LHFPL3: variants seen among roughly 807,000 people sequenced by gnomAD.
LHFPL3 encodes LHFPL tetraspan subfamily member 3 protein.
LHFPL3 carries 5 observed loss-of-function variants against 19.3 expected under a neutral mutation model. That is an observed-to-expected ratio of 0.26 (90% CI 0.14 to 0.54). The LOEUF (loss-of-function observed/expected upper bound fraction) is 0.54. Among genes scored for constraint, LHFPL3 ranks in the 20% least tolerant of loss-of-function variants. The pLI, the probability that LHFPL3 is intolerant of heterozygous loss-of-function variation, is 0.94. For synonymous variants in LHFPL3, 133 were observed against 126.2 expected, an observed-to-expected ratio of 1.05 and a Z score of -0.36; for missense variants, 249 against 307.4, an observed-to-expected ratio of 0.81 and a Z score of 1.42.
chr7:104,382,596 C>T (rs927735909), intron 1 of LHFPL3, among the ~76,000 whole-genome samples: 2 of 152,160 alleles, frequency 1.3e-5, no homozygotes, highest in Non-Finnish European at 2.9e-5. Flanking sequence ...GTGGCCTGAG[C>T]AGGGTTTTGA....
At chr7:104,668,873 G>T in intron 1 of LHFPL3, 2 of 1,612,160 alleles carry the variant, frequency 1.2e-6, no homozygotes. Context: ...AGAAGTAGAA[G>T]AACGGCTACG....
At chr7:104,814,900 C>A (rs1790536153) in intron 2 of LHFPL3, among the ~76,000 whole-genome samples, 1 of 152,208 alleles carries the variant, frequency 6.6e-6, no homozygotes, top group African/African-American at 2.4e-5. Flanking sequence ...GGAGCAGGCA[C>A]TTTCAAGCCT....
At position 104,736,794 on chromosome 7, in the gene LHFPL3, G is replaced by A; in HGVS notation, c.565G>A (p.Ala189Thr). ...YTLGACSVRW[A>T]YILAIIGILD... is the part of the protein sequence containing the mutation. Reference sequence around the variant, plus strand: ...TCTTGGGGCTTGCTCAGTCCGCTGGGCATACATCCTGGCTATTATTGGAAT... The same window carrying A: ...TCTTGGGGCTTGCTCAGTCCGCTGGACATACATCCTGGCTATTATTGGAAT... Residue 189 changes from alanine (A) to threonine (T), a missense_variant, in exon 2 of 3, where the codon GCA (alanine) becomes ACA (threonine). Physicochemically the swap from Ala to Thr is moderately conservative, Grantham distance 58. Coordinates refer to ENST00000424859, the MANE Select transcript of LHFPL3 (RefSeq NM_199000.3). 1 of 1,613,522 alleles carries A rather than the reference G, an allele frequency of 6.2e-7. No individual in the cohort carries two copies. The highest frequency in any genetic ancestry group is 1.1e-5 in the South Asian group (1 of 90,944).
intron 1 of LHFPL3, among the ~76,000 whole-genome samples, chr7:104,389,219 G>T (rs1395242395): frequency 6.6e-6 from 1 of 152,042 alleles, no homozygotes; most frequent in South Asian, 2.1e-4. Context: ...TTGTATTTCT[G>T]TACACTAGTA....
At chr7:104,415,968 A>G (rs1791614005) in intron 1 of LHFPL3, among the ~76,000 whole-genome samples, 1 of 152,222 alleles carries the variant, frequency 6.6e-6, no homozygotes, top group African/African-American at 2.4e-5. Context: ...ACCACCTATT[A>G]TGGGTTGCAT....
intron 1 of LHFPL3, among the ~76,000 whole-genome samples, chr7:104,510,925 G>A (rs1417997879): frequency 6.6e-6 from 1 of 152,030 alleles, no homozygotes; most frequent in East Asian, 1.9e-4. Flanking sequence ...AGGAGGAAGA[G>A]GATCAGGAAA....
intron 1 of LHFPL3, among the ~76,000 whole-genome samples, chr7:104,576,821 T>C (rs2116007222): frequency 6.6e-6 from 1 of 152,256 alleles, no homozygotes; most frequent in Middle Eastern, 3.4e-3. Context: ...AAGGAAAGTA[T>C]TACCGCCCAA....
chr7:104,873,159 A>G (rs541027971), intron 2 of LHFPL3, among the ~76,000 whole-genome samples: 1 of 152,230 alleles, frequency 6.6e-6, no homozygotes, highest in Non-Finnish European at 1.5e-5. Flanking sequence ...GTACTAGACA[A>G]GAGTATTCTA....
chr7:104,561,010 C>G (rs1584402325), intron 1 of LHFPL3, among the ~76,000 whole-genome samples: 2 of 151,316 alleles, frequency 1.3e-5, no homozygotes, highest in African/African-American at 4.9e-5. Flanking sequence ...GATTCTTAAC[C>G]CTGAGTTCTA....
rs1554349396 is a variant in LHFPL3, at chr7:104,833,038, T to TATATTATATATACTAG, written c.683-73145_683-73144insTATATATACTAGATAT. ...TTATATATAATAGATATATTATATATATATATTATATATATATTATATATA... is the reference window on the plus strand; with the variant it reads ...TTATATATAATAGATATATTATATATATATTATATATACTAGATATATTATATATATATTATATATA... On this transcript the variant is annotated intron_variant, in intron 2 of 2. Coordinates refer to ENST00000424859, the MANE Select transcript of LHFPL3 (RefSeq NM_199000.3). Among the ~76,000 whole-genome samples the TATATTATATATACTAG allele has an allele frequency of 9.3e-5, 2 of 21,608 alleles. 1 individual carries two copies. The highest frequency in any genetic ancestry group is 1.4e-4 in the Non-Finnish European group (2 of 14,806). 14.2% of individuals were successfully genotyped at this position (21,608 alleles called of 152,430 possible).
At chr7:104,351,114 TGA>T (rs1790166429) in intron 1 of LHFPL3, among the ~76,000 whole-genome samples, 1 of 147,118 alleles carries the variant, frequency 6.8e-6, no homozygotes, top group African/African-American at 2.5e-5. Context: ...GAGAAGAAAA[TGA>T]GAGAGGAGAA....
chr7:104,484,952 A>C (rs1793210175), intron 1 of LHFPL3, among the ~76,000 whole-genome samples: 1 of 152,212 alleles, frequency 6.6e-6, no homozygotes, highest in South Asian at 2.1e-4. Context: ...ATTGGGGATT[A>C]AGTTTCCAAC....
intron 2 of LHFPL3, among the ~76,000 whole-genome samples, chr7:104,835,583 C>CTTT (rs71155528): frequency 5.6e-5 from 8 of 143,792 alleles, no homozygotes; most frequent in Non-Finnish European, 1.0e-4. Context: ...ACTTTGTTTT[C>CTTT]TTTTTTTTTT....
At chr7:104,869,819 T>A (rs997615887) in intron 2 of LHFPL3, among the ~76,000 whole-genome samples, 3 of 152,224 alleles carry the variant, frequency 2.0e-5, no homozygotes, top group South Asian at 4.1e-4. Flanking sequence ...CTATTCACAA[T>A]AGCAAAGACT....
intron 1 of LHFPL3, among the ~76,000 whole-genome samples, chr7:104,459,402 A>T (rs915985453): frequency 6.6e-6 from 1 of 152,212 alleles, no homozygotes; most frequent in Admixed American, 6.5e-5. Flanking sequence ...ATTGGACTTG[A>T]TTCTGAATCT....
rs116529684 is a variant in LHFPL3, at chr7:104,335,123, G to A, written c.445+5899G>A. 8.6e-3 allele frequency among the ~76,000 whole-genome samples: 1,307 copies of A among 152,274 alleles called. 22 individuals are homozygous for A. Among genetic ancestry groups the A allele is most frequent in the African/African-American group, 0.03 (1,261 of 41,550 alleles). On this transcript the variant is annotated intron_variant, in intron 1 of 2. Transcript: ENST00000424859. ...TGCTCTGAAGAGGGGACAGAACTGG[G>A]ATGTACTCAGGTGTAGACTCAGTGT...
intron 1 of LHFPL3, among the ~76,000 whole-genome samples, chr7:104,536,030 A>T: frequency 6.6e-6 from 1 of 152,050 alleles, no homozygotes; most frequent in Non-Finnish European, 1.5e-5. Context: ...AGGAAGCCGC[A>T]TTTTCTCCCT....
At chr7:104,440,038 G>GGGT (rs1792188279) in intron 1 of LHFPL3, among the ~76,000 whole-genome samples, 2 of 140,294 alleles carry the variant, frequency 1.4e-5, no homozygotes, top group African/African-American at 2.8e-5. Flanking sequence ...CAAAGCCTGG[G>GGGT]GGGGGGGAGG....
At chr7:104,834,762 C>T (rs1247147449) in intron 2 of LHFPL3, among the ~76,000 whole-genome samples, 1 of 151,948 alleles carries the variant, frequency 6.6e-6, no homozygotes, top group Non-Finnish European at 1.5e-5. Flanking sequence ...GAGAGGGCTG[C>T]TTCAGCTTCA....
Sources: allele counts gnomAD v4.1 joint callset (sites outside exome capture counted in the v4.1 genomes callset), GRCh38; gene constraint gnomAD v4.1.1; transcripts MANE v1.5; gene names NCBI Gene and HGNC (gene_info 2026-07-23, HGNC 2026-07-21).